DPYSL5: variants seen among roughly 807,000 people sequenced by gnomAD.
DPYSL5 encodes dihydropyrimidinase like 5, also known as dihydropyrimidinase-related protein 5.
A neutral mutation model predicts 58.4 loss-of-function variants in DPYSL5; 9 were observed. The observed-to-expected ratio is 0.15, with a 90% CI of 0.09 to 0.27. The LOEUF (loss-of-function observed/expected upper bound fraction) is 0.27. Ranked by LOEUF, DPYSL5 falls within the 10% of genes least tolerant of loss-of-function variation. The probability of loss-of-function intolerance (pLI) is 1.00; values close to 1 mark genes in which losing one functional copy is unlikely to be tolerated. For missense variants in DPYSL5, 499 were observed against 770.6 expected (o/e 0.65, Z 4.17); for synonymous variants, 293 against 301.9 (o/e 0.97, Z 0.31).
chr2:26,882,296 A>G (rs964633131), intron 1 of DPYSL5, among the ~76,000 whole-genome samples: 3 of 151,926 alleles, frequency 2.0e-5, no homozygotes, highest in African/African-American at 7.3e-5. Flanking sequence ...CCCAGGCTGG[A>G]GTTCAGTGGC....
intron 1 of DPYSL5, among the ~76,000 whole-genome samples, chr2:26,879,824 C>G (rs996246757): frequency 3.3e-5 from 5 of 152,188 alleles, no homozygotes; most frequent in Admixed American, 6.5e-5. Flanking sequence ...CCCTGGACAG[C>G]TAGTCCCTGC....
intron 6 of DPYSL5, among the ~76,000 whole-genome samples, chr2:26,932,149 A>AAGAC (rs368538586): frequency 1.9e-5 from 1 of 52,058 alleles, no homozygotes; most frequent in African/African-American, 7.0e-5. Flanking sequence ...GAAAGAAAGA[A>AAGAC]AGAAAGAAAG....
chr2:26,848,773 C>T (rs1665664007), intron 1 of DPYSL5, among the ~76,000 whole-genome samples: 1 of 152,152 alleles, frequency 6.6e-6, no homozygotes, highest in South Asian at 2.1e-4. Flanking sequence ...CCCGACCCGG[C>T]GGTCTGTTCC....
intron 2 of DPYSL5, among the ~76,000 whole-genome samples, chr2:26,906,300 C>T (rs1211975231): frequency 1.3e-5 from 2 of 151,866 alleles, no homozygotes; most frequent in Non-Finnish European, 1.5e-5. Context: ...TCTCCTGCCT[C>T]AGCCTCCTGA....
Position 26,944,568 on chromosome 2 carries a change from C to A in DPYSL5, c.1441-88C>A. ...TGGGCAGAGTGGCAGTGTCTAATGT[C>A]CCACCGGCCCCCAGGGAGGCCATGG... On this transcript the variant is annotated intron_variant, in intron 11 of 12. Coordinates refer to ENST00000288699, the MANE Select transcript of DPYSL5 (RefSeq NM_020134.4). This position sits in a 1 kb window ranked among gnomAD's most constrained non-coding sequence, Gnocchi z 4.4. 1 of 1,446,584 alleles carries A rather than the reference C, an allele frequency of 6.9e-7. No individual in the cohort carries two copies. Among genetic ancestry groups the A allele is most frequent in the Non-Finnish European group, 9.4e-7 (1 of 1,058,960 alleles). 89.6% of individuals were successfully genotyped at this position (1,446,584 alleles called of 1,614,324 possible). A position where few individuals can be genotyped will look rare whatever the true frequency, so the allele number is the denominator to read the frequency against.
At chr2:26,910,335 T>C (rs1299122615) in intron 2 of DPYSL5, among the ~76,000 whole-genome samples, 1 of 152,046 alleles carries the variant, frequency 6.6e-6, no homozygotes, top group Non-Finnish European at 1.5e-5. Flanking sequence ...TTGTAACAAT[T>C]TTTTTTTCCC....
At chr2:26,943,132 G>T (rs1665369300) in intron 11 of DPYSL5, among the ~76,000 whole-genome samples, 1 of 152,126 alleles carries the variant, frequency 6.6e-6, no homozygotes, top group Non-Finnish European at 1.5e-5. Context: ...TCTTGATGAA[G>T]CAAGCGGGGG....
chr2:26,870,765 T>G (rs557930549), intron 1 of DPYSL5, among the ~76,000 whole-genome samples: 128 of 152,144 alleles, frequency 8.4e-4, no homozygotes, highest in African/African-American at 2.9e-3. Context: ...AAACTGTCAT[T>G]TTTTGACAAC....
intron 6 of DPYSL5, among the ~76,000 whole-genome samples, chr2:26,932,079 AAGAAAAGAAAAAAGAAAG>A (rs1665012810): frequency 2.7e-5 from 3 of 109,584 alleles, no homozygotes; most frequent in Admixed American, 8.4e-5. Flanking sequence ...GAAAGAAAGA[AAGAAAAGAAAAAAGAAAG>A]AGAAAGAAAG....
intron 1 of DPYSL5, among the ~76,000 whole-genome samples, chr2:26,863,786 T>C (rs1024586109): frequency 5.3e-5 from 8 of 152,194 alleles, no homozygotes; most frequent in Admixed American, 3.9e-4. Context: ...TCTCTAGGGA[T>C]TGGCTGATTC....
intron 2 of DPYSL5, among the ~76,000 whole-genome samples, chr2:26,920,129 GGGATGGGAATA>G (rs1446690292): frequency 6.6e-6 from 1 of 151,994 alleles, no homozygotes; most frequent in Non-Finnish European, 1.5e-5. Flanking sequence ...AGGGAAGAGA[GGGATGGGAATA>G]GGATGGAGGG....
intron 2 of DPYSL5, among the ~76,000 whole-genome samples, chr2:26,920,416 T>C (rs780205659): frequency 6.6e-6 from 1 of 152,254 alleles, no homozygotes; most frequent in Non-Finnish European, 1.5e-5. Context: ...TCATATATTC[T>C]GTTAAATTTT....
At chr2:26,860,918 G>T (rs1490370228) in intron 1 of DPYSL5, among the ~76,000 whole-genome samples, 1 of 152,188 alleles carries the variant, frequency 6.6e-6, no homozygotes, top group African/African-American at 2.4e-5. Context: ...TCAGGGAGGA[G>T]CTGGGAAAAC....
At position 26,948,567 on chromosome 2, in the gene DPYSL5, G is replaced by A. The variant is rs1426256958; in HGVS notation, c.*1572G>A. 1 of 152,578 alleles carries A rather than the reference G, an allele frequency of 6.6e-6. No individual in the cohort carries two copies. The highest frequency in any genetic ancestry group is 1.5e-5 in the Non-Finnish European group (1 of 68,358). 9.5% of individuals were successfully genotyped at this position (152,578 alleles called of 1,614,324 possible). A position where few individuals can be genotyped will look rare whatever the true frequency, so the allele number is the denominator to read the frequency against. ...GAGGCTTCTGGACCCTCGGTTAAAG[G>A]TCAGCCCCTGGCCGGGTGCGGTGGC... On this transcript the variant is annotated 3_prime_UTR_variant, in exon 13 of 13. Coordinates refer to ENST00000288699, the MANE Select transcript of DPYSL5 (RefSeq NM_020134.4).
intron 6 of DPYSL5, among the ~76,000 whole-genome samples, chr2:26,932,208 AAAAGAAAGAAAG>A (rs144602360): frequency 4.1e-4 from 29 of 70,170 alleles, no homozygotes; most frequent in Non-Finnish European, 6.0e-5. Flanking sequence ...AGAAAGAAAG[AAAAGAAAGAAAG>A]AAAGAAAGAA....
Position 26,932,201 on chromosome 2 carries a change from A to AAGAC in DPYSL5, c.714+520_714+521insCAGA, listed in dbSNP as rs1429605162. On this transcript the variant is annotated intron_variant, in intron 6 of 12. Transcript: ENST00000288699. ...AAAGAAAGAAAGAAAGAAAGAAAGA[A>AAGAC]AGAAAGAAAAGAAAGAAAGAAAGAA... 8.4e-3 allele frequency among the ~76,000 whole-genome samples: 492 copies of AAGAC among 58,884 alleles called. 4 individuals are homozygous for AAGAC. Among genetic ancestry groups the AAGAC allele is most frequent in the Non-Finnish European group, 0.014 (356 of 24,970 alleles). The allele number at this position is 58,884 out of a possible 152,430, so 38.6% of individuals were successfully genotyped here.
In DPYSL5 at chr2:26,939,957, C is replaced by A. The variant is rs1665273761; in HGVS notation, c.948-74C>A. ...GCCTGCTTCCCACACGGAGGATTTTCCCTATATCTATCCTCACCCTCTAAG... is the reference window on the plus strand; with the variant it reads ...GCCTGCTTCCCACACGGAGGATTTTACCTATATCTATCCTCACCCTCTAAG... On this transcript the variant is annotated intron_variant, in intron 8 of 12. Transcript: ENST00000288699. 2.5e-6 allele frequency: 4 copies of A among 1,586,158 alleles called. No homozygotes were observed. The East Asian group carries it at 9.0e-5, about 36-fold the overall frequency.
At chr2:26,897,108 A>G (rs963310474) in intron 1 of DPYSL5, among the ~76,000 whole-genome samples, 4 of 152,182 alleles carry the variant, frequency 2.6e-5, no homozygotes, top group Non-Finnish European at 5.9e-5. Context: ...TCATCATGTC[A>G]TCTGCAACGA....
Position 26,946,978 on chromosome 2 carries a change from T to C in DPYSL5, c.1678T>C (p.Ser560Pro). The change falls in exon 13 of 13, where the codon TCG (serine) becomes CCG (proline). Residue 560 changes from serine to proline, a missense_variant. Ser to Pro is a moderately conservative substitution (Grantham distance 74). Transcript: ENST00000288699. ...ARILAPPGGR[S>P]SGIW ...GATCCTCGCTCCTCCCGGAGGCAGG[T>C]CGAGTGGCATTTGGTAAAGGCATTG... is the stretch of plus-strand genomic sequence containing the variant. The C allele has an allele frequency of 6.2e-7, 1 of 1,613,298 alleles. No individual in the cohort carries two copies. Among genetic ancestry groups the C allele is most frequent in the Non-Finnish European group, 8.5e-7 (1 of 1,179,468 alleles).
Sources: gnomAD v4.1 joint callset for allele counts (sites outside exome capture counted in the v4.1 genomes callset) on GRCh38, gnomAD v4.1.1 for gene constraint, Gnocchi (gnomAD v3.1) non-coding constraint, MANE v1.5 for transcripts, NCBI Gene and HGNC (gene_info 2026-07-23, HGNC 2026-07-21) for gene names.